The following PLXNA2 variants were observed in gnomAD, a reference collection of about 807,000 sequenced individuals.
The protein encoded by PLXNA2 is plexin-A2.
PLXNA2 carries 91 observed loss-of-function variants against 193.5 expected under a neutral mutation model. That is an observed-to-expected ratio of 0.47 (90% CI 0.40 to 0.56). The LOEUF is 0.56. PLXNA2 is among the 20% of genes least tolerant of loss of function. The probability of loss-of-function intolerance (pLI) is 0.00; values close to 1 mark genes in which losing one functional copy is unlikely to be tolerated. For missense variants in PLXNA2, 1,995 were observed against 2,503.2 expected (o/e 0.80, Z 4.33); for synonymous variants, 997 against 1,027.3 (o/e 0.97, Z 0.56).
rs113048399 is a variant in PLXNA2, at chr1:208,228,256, C to T, written c.-80-10254G>A. 7.0e-3 allele frequency among the ~76,000 whole-genome samples: 1,061 copies of T among 152,298 alleles called. 13 individuals carry two copies. The highest frequency in any genetic ancestry group is 0.024 in the African/African-American group (985 of 41,576). On this transcript the variant is annotated intron_variant, in intron 1 of 31. Transcript: ENST00000367033. ...TCTAGGGACAAGGATCACTCCCAAT[C>T]CCTGATGCTTCATCTCTATCTCAGG...
intron 3 of PLXNA2, among the ~76,000 whole-genome samples, chr1:208,181,580 C>T (rs571421987): frequency 6.6e-6 from 1 of 152,312 alleles, no homozygotes; most frequent in South Asian, 2.1e-4. Flanking sequence ...TCCCTCCTCC[C>T]TAGAGAGGGT....
chr1:208,112,376 C>T (rs145151835), intron 4 of PLXNA2, among the ~76,000 whole-genome samples: 36 of 152,364 alleles, frequency 2.4e-4, no homozygotes, highest in Non-Finnish European at 4.4e-4. Context: ...CTGTGCTTAT[C>T]AGCTGTATGA....
chr1:208,218,269 A>C (rs1326271753), intron 1 of PLXNA2, among the ~76,000 whole-genome samples: 2 of 152,102 alleles, frequency 1.3e-5, no homozygotes, highest in East Asian at 1.9e-4. Context: ...TGGCCCCTTA[A>C]GCCATCGTTT....
chr1:208,048,330 G>T (rs1053319529), intron 17 of PLXNA2, among the ~76,000 whole-genome samples: 1 of 152,214 alleles, frequency 6.6e-6, no homozygotes, highest in Non-Finnish European at 1.5e-5. Context: ...GCCCAACCAG[G>T]CAGGGCTTCA....
rs767465070 is a variant in PLXNA2 at position 208,044,634 on chromosome 1, G to A, written c.3748C>T (p.Leu1250Phe). The A allele has an allele frequency of 1.2e-6, 2 of 1,614,130 alleles. No homozygotes were observed. Among genetic ancestry groups the A allele is most frequent in the Non-Finnish European group, 8.5e-7 (1 of 1,179,990 alleles). ...VSIAAGGSLL[L>F]IIVIIVLIAY... Reference sequence around the variant, plus strand: ...ATGAGGACGATGATGACGATGATGAGGAGGAGGCTGCCGCCGGCCGCGATG... The same window carrying A: ...ATGAGGACGATGATGACGATGATGAAGAGGAGGCTGCCGCCGGCCGCGATG... The change falls in exon 20 of 32, where the codon CTC becomes TTC. Residue 1250 changes from leucine (L) to phenylalanine (F), a missense_variant. Leu to Phe is a conservative substitution (Grantham distance 22, BLOSUM62 0). Transcript: ENST00000367033. This position sits in a 1 kb window ranked among gnomAD's most constrained non-coding sequence, Gnocchi z 4.9.
chr1:208,195,510 G>A (rs2102572567), intron 3 of PLXNA2, among the ~76,000 whole-genome samples: 1 of 152,296 alleles, frequency 6.6e-6, no homozygotes, highest in South Asian at 2.1e-4. Context: ...TTTACTGCCA[G>A]TGGCTGTGGT....
At chr1:208,241,898 A>AGGGTATTT (rs112060491) in intron 1 of PLXNA2, among the ~76,000 whole-genome samples, 13,804 of 152,142 alleles carry the variant, frequency 0.091, 780 homozygotes, top group East Asian at 0.26. Flanking sequence ...CAACCTCGCT[A>AGGGTATTT]TGACAGATTC....
chr1:208,099,195 A>G (rs1359664013), intron 5 of PLXNA2, among the ~76,000 whole-genome samples: 1 of 152,236 alleles, frequency 6.6e-6, no homozygotes, highest in Non-Finnish European at 1.5e-5. Context: ...TGAGAGATCC[A>G]GTTTCGACAC....
chr1:208,079,520 G>A, intron 11 of PLXNA2, 70 bp from the exon 12 acceptor site: 1 of 1,197,706 alleles, frequency 8.3e-7, no homozygotes. Flanking sequence ...CCTCTTGCAG[G>A]TGTGATAGAA....
chr1:208,224,288 G>T (rs1202483271), intron 1 of PLXNA2, among the ~76,000 whole-genome samples: 1 of 150,396 alleles, frequency 6.6e-6, no homozygotes, highest in Non-Finnish European at 1.5e-5. Flanking sequence ...CACTCTGATG[G>T]CGTCTATAAT....
At chr1:208,074,316 A>G (rs1300241296) in intron 12 of PLXNA2, among the ~76,000 whole-genome samples, 1 of 152,126 alleles carries the variant, frequency 6.6e-6, no homozygotes, top group Admixed American at 6.5e-5. Flanking sequence ...GGGCTTTCCA[A>G]TCCTCTGCAC....
intron 4 of PLXNA2, among the ~76,000 whole-genome samples, chr1:208,105,155 T>C (rs4844405): frequency 0.96 from 146,173 of 152,268 alleles, 70,451 homozygotes; most frequent in East Asian, 1. Flanking sequence ...AGATCCTTCC[T>C]GGAGGGTGGC....
chr1:208,061,623 G>T (rs1665625256), intron 12 of PLXNA2, among the ~76,000 whole-genome samples: 2 of 152,212 alleles, frequency 1.3e-5, no homozygotes, highest in Non-Finnish European at 2.9e-5. Flanking sequence ...CCAAATCTTT[G>T]CTGGCTTCCT....
intron 8 of PLXNA2, 136 bp from the exon 9 acceptor site, chr1:208,093,036 C>T (rs1030803673): frequency 2.6e-5 from 15 of 569,678 alleles, no homozygotes; most frequent in Non-Finnish European, 9.5e-6. Flanking sequence ...GGGCCATCCT[C>T]TAGCACCAAG....
At chr1:208,055,723 A>T (rs536378278) in intron 13 of PLXNA2, among the ~76,000 whole-genome samples, 2 of 152,140 alleles carry the variant, frequency 1.3e-5, no homozygotes, top group African/African-American at 4.8e-5. Flanking sequence ...AAGGAAGGTA[A>T]CTAAACAGAG....
intron 16 of PLXNA2, 71 bp downstream of exon 16, chr1:208,051,185 T>C: frequency 6.3e-7 from 1 of 1,594,168 alleles, no homozygotes. Flanking sequence ...ATCCCTCTCA[T>C]GAGCCAGACT....
intron 17 of PLXNA2, among the ~76,000 whole-genome samples, chr1:208,049,256 C>T (rs562426240): frequency 9.9e-5 from 15 of 152,092 alleles, no homozygotes; most frequent in African/African-American, 3.6e-4. Context: ...CCTTGCCATA[C>T]CTGAATAACA....
intron 3 of PLXNA2, among the ~76,000 whole-genome samples, chr1:208,168,685 G>A (rs1571991054): frequency 2.2e-5 from 3 of 134,268 alleles, no homozygotes; most frequent in Middle Eastern, 4.9e-3. Context: ...GTCTCTAAAA[G>A]GGAAAATAAA....
At chr1:208,222,401 A>G (rs1440889634) in intron 1 of PLXNA2, among the ~76,000 whole-genome samples, 1 of 151,870 alleles carries the variant, frequency 6.6e-6, no homozygotes, top group Non-Finnish European at 1.5e-5. Flanking sequence ...CTGCTCCAGG[A>G]CTCTCGCCTG....
Sources: gnomAD v4.1 joint callset for allele counts (sites outside exome capture counted in the v4.1 genomes callset) on GRCh38, gnomAD v4.1.1 for gene constraint, Gnocchi (gnomAD v3.1) non-coding constraint, MANE v1.5 for transcripts, NCBI Gene and HGNC (gene_info 2026-07-23, HGNC 2026-07-21) for gene names.